MSRA: variants seen among roughly 807,000 people sequenced by gnomAD.
MSRA encodes mitochondrial peptide methionine sulfoxide reductase.
A neutral mutation model predicts 31.3 loss-of-function variants in MSRA; 54 were observed. The ratio of observed to expected loss-of-function variants is 1.73; its 90% confidence interval spans 1.39 to 2.17. The LOEUF (loss-of-function observed/expected upper bound fraction) is 2.17. MSRA is among the 30% of genes most tolerant of loss of function. The pLI is 0.00. For missense variants in MSRA, 507 were observed against 300.9 expected (o/e 1.69, Z -5.07); for synonymous variants, 169 against 116.5 (o/e 1.45, Z -2.90).
chr8:10,207,001 G>C (rs771906635), intron 1 of MSRA, among the ~76,000 whole-genome samples: 1 of 152,224 alleles, frequency 6.6e-6, no homozygotes, highest in Non-Finnish European at 1.5e-5. Context: ...ATGATGCAGT[G>C]TGAAGCGTCT....
At chr8:10,235,760 G>A (rs1811883070) in intron 2 of MSRA, among the ~76,000 whole-genome samples, 1 of 152,016 alleles carries the variant, frequency 6.6e-6, no homozygotes. Context: ...TTTTTCTAAT[G>A]CGGTGTTACA....
rs374728839 is a variant in MSRA, at chr8:10,105,243, A to G, written c.142+50585A>G. ...GGCAACTTTGGAAATTAACTATGGA[A>G]TATGTTTGAAAAATTGGAATGTTTT... is the stretch of plus-strand genomic sequence containing the variant. On this transcript the variant is annotated intron_variant, in intron 1 of 5. Coordinates refer to ENST00000317173, the MANE Select transcript of MSRA (RefSeq NM_012331.5). Among the ~76,000 whole-genome samples the G allele has an allele frequency of 3.9e-5, 6 of 152,220 alleles. No individual in the cohort carries two copies. The East Asian group carries it at 1.2e-3, about 29-fold the overall frequency.
chr8:10,134,649 G>A (rs972554568), intron 1 of MSRA, among the ~76,000 whole-genome samples: 4 of 152,200 alleles, frequency 2.6e-5, no homozygotes, highest in South Asian at 2.1e-4. Flanking sequence ...ATGACTGCAC[G>A]CCTCGTATCA....
chr8:10,204,042 G>A (rs1808732297), intron 1 of MSRA, among the ~76,000 whole-genome samples: 1 of 151,854 alleles, frequency 6.6e-6, no homozygotes, highest in African/African-American at 2.4e-5. Context: ...ATAGGAAGAA[G>A]TTTTCAACAG....
At chr8:10,181,638 G>C (rs1424759512) in intron 1 of MSRA, among the ~76,000 whole-genome samples, 1 of 152,164 alleles carries the variant, frequency 6.6e-6, no homozygotes, top group Non-Finnish European at 1.5e-5. Context: ...GATGGGTGGA[G>C]AGGAGCCCAG....
At chr8:10,212,211 C>A (rs1010963014) in intron 2 of MSRA, among the ~76,000 whole-genome samples, 1 of 151,752 alleles carries the variant, frequency 6.6e-6, no homozygotes, top group African/African-American at 2.4e-5. Flanking sequence ...TTAAACTTTA[C>A]TATCTTTGAA....
intron 1 of MSRA, among the ~76,000 whole-genome samples, chr8:10,078,907 T>A (rs1214446302): frequency 1.3e-5 from 2 of 152,204 alleles, no homozygotes; most frequent in African/African-American, 2.4e-5. Flanking sequence ...GAATGGAAAA[T>A]AAATGGGGAT....
chr8:10,353,113 G>C (rs1323380937), intron 5 of MSRA, among the ~76,000 whole-genome samples: 1 of 152,124 alleles, frequency 6.6e-6, no homozygotes, highest in Non-Finnish European at 1.5e-5. Context: ...ACAGGCCTGA[G>C]CCACAGACAG....
At chr8:10,286,670 T>G (rs535970723) in intron 3 of MSRA, among the ~76,000 whole-genome samples, 76 of 152,378 alleles carry the variant, frequency 5.0e-4, no homozygotes, top group African/African-American at 1.7e-3. Context: ...ACACTTTCTA[T>G]CCTGTGTTTT....
chr8:10,281,830 C>G (rs1799639053), intron 3 of MSRA, among the ~76,000 whole-genome samples: 3 of 152,182 alleles, frequency 2.0e-5, no homozygotes, highest in Admixed American at 6.5e-5. Flanking sequence ...AGCTGGGATC[C>G]AAACATCTGA....
At chr8:10,196,947 C>T (rs1585144302) in intron 1 of MSRA, among the ~76,000 whole-genome samples, 1 of 152,120 alleles carries the variant, frequency 6.6e-6, no homozygotes, top group East Asian at 1.9e-4. Context: ...TAACATTCAT[C>T]TTCAAAATGT....
intron 5 of MSRA, among the ~76,000 whole-genome samples, chr8:10,323,277 G>C (rs770806044): frequency 6.6e-6 from 1 of 151,930 alleles, no homozygotes; most frequent in Non-Finnish European, 1.5e-5. Flanking sequence ...AATTATAAAG[G>C]CAGTATTTAT....
intron 1 of MSRA, among the ~76,000 whole-genome samples, chr8:10,128,548 C>A (rs1303798302): frequency 6.6e-6 from 1 of 152,168 alleles, no homozygotes; most frequent in African/African-American, 2.4e-5. Context: ...GGCATCACAG[C>A]TGAGGCTGGT....
At chr8:10,107,266 G>GTT (rs530448541) in intron 1 of MSRA, among the ~76,000 whole-genome samples, 1 of 146,048 alleles carries the variant, frequency 6.8e-6, no homozygotes, top group African/African-American at 2.5e-5. Flanking sequence ...TTTCATGAGT[G>GTT]TTTTTTTTTT....
At chr8:10,126,551 C>T (rs1340571514) in intron 1 of MSRA, among the ~76,000 whole-genome samples, 2 of 152,114 alleles carry the variant, frequency 1.3e-5, no homozygotes, top group Admixed American at 6.5e-5. Context: ...GGTCTTCTGT[C>T]GCCCAGGCTA....
At chr8:10,106,099 G>T (rs1350045165) in intron 1 of MSRA, among the ~76,000 whole-genome samples, 1 of 152,218 alleles carries the variant, frequency 6.6e-6, no homozygotes, top group African/African-American at 2.4e-5. Flanking sequence ...GTCTGCTGAT[G>T]GTTTGCCACA....
intron 3 of MSRA, among the ~76,000 whole-genome samples, chr8:10,287,802 A>G (rs961441103): frequency 5.3e-5 from 8 of 152,184 alleles, no homozygotes; most frequent in Non-Finnish European, 1.2e-4. Context: ...GGACCATGGT[A>G]GAGCACTAGA....
chr8:10,059,238 C>T (rs1220346592), intron 1 of MSRA: 1 of 152,108 alleles, frequency 6.6e-6, no homozygotes, highest in African/African-American at 2.4e-5. Flanking sequence ...GAATAAATTC[C>T]AGATATATGA....
intron 5 of MSRA, among the ~76,000 whole-genome samples, chr8:10,381,783 T>G (rs1436728915): frequency 6.6e-6 from 1 of 152,140 alleles, no homozygotes; most frequent in Non-Finnish European, 1.5e-5. Context: ...GATGAGACCT[T>G]TGCTTCCGTG....
Sources: allele counts gnomAD v4.1 joint callset (sites outside exome capture counted in the v4.1 genomes callset), GRCh38; gene constraint gnomAD v4.1.1; transcripts MANE v1.5; gene names NCBI Gene and HGNC (gene_info 2026-07-23, HGNC 2026-07-21).